Variants in FGF12 observed in about 807,000 individuals in gnomAD.
The protein encoded by FGF12 is fibroblast growth factor 12B.
FGF12 carries 14 observed loss-of-function variants against 23.6 expected under a neutral mutation model. The ratio of observed to expected loss-of-function variants is 0.59; its 90% CI spans 0.39 to 0.93. FGF12 has a LOEUF of 0.93. Ranked by LOEUF, FGF12 falls within the 40% of genes least tolerant of loss-of-function variation. The pLI is 0.00. For missense variants in FGF12, 175 were observed against 217.8 expected (o/e 0.80, Z 1.24); for synonymous variants, 62 against 77.3 (o/e 0.80, Z 1.04).
intron 2 of FGF12, among the ~76,000 whole-genome samples, chr3:192,715,936 C>T (rs1210612120): frequency 1.3e-5 from 2 of 152,228 alleles, no homozygotes; most frequent in Non-Finnish European, 2.9e-5. Flanking sequence ...ATTGTCTATA[C>T]GTGATATCAC....
At chr3:192,369,551 T>A (rs1719130316) in intron 2 of FGF12, among the ~76,000 whole-genome samples, 2 of 152,196 alleles carry the variant, frequency 1.3e-5, no homozygotes, top group East Asian at 3.9e-4. Flanking sequence ...GTAGAAGACA[T>A]GAGACGGAGG....
At chr3:192,570,095 A>G (rs1712524736) in intron 2 of FGF12, among the ~76,000 whole-genome samples, 1 of 152,212 alleles carries the variant, frequency 6.6e-6, no homozygotes, top group Admixed American at 6.5e-5. Context: ...TAGGATGAAG[A>G]AAAAAGAAAA....
intron 2 of FGF12, among the ~76,000 whole-genome samples, chr3:192,416,759 G>A (rs915451024): frequency 3.9e-5 from 6 of 152,070 alleles, no homozygotes; most frequent in Non-Finnish European, 5.9e-5. Context: ...ATATTCCCCT[G>A]TGCCTAGTAT....
At chr3:192,438,002 T>C (rs1000602754) in intron 2 of FGF12, among the ~76,000 whole-genome samples, 1 of 152,198 alleles carries the variant, frequency 6.6e-6, no homozygotes, top group East Asian at 1.9e-4. Flanking sequence ...GTCCTTTCTA[T>C]AGTGATGAAT....
At position 192,695,152 on chromosome 3, in the gene FGF12, G is replaced by T. The variant is rs1191461714; in HGVS notation, c.13+32029C>A. The stretch of plus-strand genomic sequence containing the variant: ...TTAAATATATACAATCAGAAAAAAA[G>T]AAAACAAAAGCATATTTATCTCTGA... On this transcript the variant is annotated intron_variant, in intron 2 of 5. Transcript: ENST00000445105. 3.3e-5 allele frequency among the ~76,000 whole-genome samples: 5 copies of T among 152,016 alleles called. No homozygotes were observed. The East Asian group carries it at 9.6e-4, about 29-fold the overall frequency.
intron 2 of FGF12, among the ~76,000 whole-genome samples, chr3:192,573,557 C>G (rs1712743375): frequency 1.3e-5 from 2 of 152,114 alleles, no homozygotes; most frequent in African/African-American, 4.8e-5. Flanking sequence ...CAGCAGCCTA[C>G]TAGCCTTCGG....
At chr3:192,237,344 G>A (rs1029579488) in intron 4 of FGF12, among the ~76,000 whole-genome samples, 1 of 152,012 alleles carries the variant, frequency 6.6e-6, no homozygotes, top group Non-Finnish European at 1.5e-5. Flanking sequence ...TATTTTGCAG[G>A]GGTTCTCTGA....
rs147764330 is a variant in FGF12, at chr3:192,502,438, T to A, written c.14-141900A>T. ...TCCCAAGAAGAGCATGTCAGACTAA[T>A]CTCTTTGCAATCTACGTTGTATAAC... On this transcript the variant is annotated intron_variant, in intron 2 of 5. Transcript: ENST00000445105. Among the ~76,000 whole-genome samples the A allele has an allele frequency of 2.4e-3, 367 of 152,330 alleles. 2 individuals carry two copies. The highest frequency in any genetic ancestry group is 8.4e-3 in the African/African-American group (350 of 41,558).
At chr3:192,388,807 A>G (rs1720164501) in intron 2 of FGF12, among the ~76,000 whole-genome samples, 4 of 152,046 alleles carry the variant, frequency 2.6e-5, no homozygotes, top group African/African-American at 4.8e-5. Flanking sequence ...ATATATTTTA[A>G]AACATATTCA....
In FGF12 at chr3:192,486,305, G is replaced by GT. The variant is rs375853198; in HGVS notation, c.14-125768dup. On this transcript the variant is annotated intron_variant, in intron 2 of 5. Transcript: ENST00000445105. Reference sequence around the variant, plus strand: ...CAGATAATTAACATGAAAGCAAATAGTTTTTTTTTTAATTCAAATTGCATT... The same window carrying GT: ...CAGATAATTAACATGAAAGCAAATAGTTTTTTTTTTTAATTCAAATTGCATT... 1.5e-3 allele frequency among the ~76,000 whole-genome samples: 224 copies of GT among 149,822 alleles called. 1 individual carries two copies. Among genetic ancestry groups the GT allele is most frequent in the African/African-American group, 4.8e-3 (198 of 40,946 alleles).
At chr3:192,357,262 T>C (rs1718514459) in intron 3 of FGF12, among the ~76,000 whole-genome samples, 1 of 152,050 alleles carries the variant, frequency 6.6e-6, no homozygotes, top group Non-Finnish European at 1.5e-5. Context: ...GGCGGGTGGA[T>C]CACCAGGTCA....
intron 2 of FGF12, among the ~76,000 whole-genome samples, chr3:192,625,111 G>A (rs141145401): frequency 1.3e-3 from 197 of 152,084 alleles, no homozygotes; most frequent in Admixed American, 2.6e-3. Flanking sequence ...CTAATCTTTT[G>A]CTTTTATAGA....
rs577516291 is a variant in FGF12, at chr3:192,533,336, T to C, written c.14-172798A>G. Reference sequence around the variant, plus strand: ...GGCCGAGTGAGTTTTGTAATTCAGGTTTTTGGGGAACAAGGTGGTATTTTT... The same window carrying C: ...GGCCGAGTGAGTTTTGTAATTCAGGCTTTTGGGGAACAAGGTGGTATTTTT... On this transcript the variant is annotated intron_variant, in intron 2 of 5. Transcript: ENST00000445105. Among the ~76,000 whole-genome samples, 26 of 152,214 alleles carry C rather than the reference T, an allele frequency of 1.7e-4. No individual in the cohort carries two copies. In the South Asian group the frequency reaches 5.0e-3, roughly 29 times the overall value.
chr3:192,655,285 T>C (rs1329371838), intron 2 of FGF12, among the ~76,000 whole-genome samples: 1 of 152,190 alleles, frequency 6.6e-6, no homozygotes, highest in Non-Finnish European at 1.5e-5. Context: ...TAGATAGGTG[T>C]TAAAATTTAA....
intron 2 of FGF12, among the ~76,000 whole-genome samples, chr3:192,376,457 G>A (rs778021335): frequency 5.9e-5 from 9 of 152,034 alleles, no homozygotes; most frequent in Non-Finnish European, 1.2e-4. Flanking sequence ...CTGCCTCCCA[G>A]GTTCAAACAA....
rs75983025 is a variant in FGF12, at chr3:192,673,962, C to T, written c.13+53219G>A. ...CTGTTTCTAGATCCTTGAGGAATCA[C>T]CACACTCAGACAGCTTTTCAAATCA... On this transcript the variant is annotated intron_variant, in intron 2 of 5. Transcript: ENST00000445105. Among the ~76,000 whole-genome samples the T allele has an allele frequency of 1.8e-3, 266 of 151,210 alleles. 6 individuals carry two copies. The East Asian group carries it at 0.043, about 24-fold the overall frequency.
intron 2 of FGF12, among the ~76,000 whole-genome samples, chr3:192,440,487 T>C (rs529878189): frequency 9.8e-5 from 15 of 152,316 alleles, no homozygotes; most frequent in Non-Finnish European, 2.1e-4. Context: ...AATAAATGTA[T>C]AGTGTGATAC....
chr3:192,234,769 A>G (rs1045384768), intron 4 of FGF12, among the ~76,000 whole-genome samples: 1 of 152,182 alleles, frequency 6.6e-6, no homozygotes, highest in Non-Finnish European at 1.5e-5. Flanking sequence ...GAATTTTATT[A>G]GAAGCCTTTT....
intron 2 of FGF12, among the ~76,000 whole-genome samples, chr3:192,561,429 C>G (rs1409561522): frequency 6.6e-6 from 1 of 151,922 alleles, no homozygotes; most frequent in East Asian, 1.9e-4. Flanking sequence ...GTGGTGCAAT[C>G]TCAGCCCACT....
Sources: allele counts gnomAD v4.1 joint callset (sites outside exome capture counted in the v4.1 genomes callset), GRCh38; gene constraint gnomAD v4.1.1; transcripts MANE v1.5; gene names NCBI Gene and HGNC (gene_info 2026-07-23, HGNC 2026-07-21).